DNAJC13: variants seen among roughly 807,000 people sequenced by gnomAD.
DNAJC13 encodes dnaJ homolog subfamily C member 13.
Under a neutral mutation model 290.5 loss-of-function variants are expected in DNAJC13, and 75 were observed. The ratio of observed to expected loss-of-function variants is 0.26; its 90% CI spans 0.21 to 0.31. The LOEUF (loss-of-function observed/expected upper bound fraction) is 0.31, where lower values mean the gene tolerates loss of function less well. DNAJC13 is among the 10% of genes least tolerant of loss of function. The pLI is 1.00. For synonymous variants in DNAJC13, 862 were observed against 892.0 expected (o/e 0.97, Z 0.60); for missense variants, 2,260 against 2,674.5 (o/e 0.85, Z 3.42).
chr3:132,499,971 A>G lies in DNAJC13; in HGVS notation c.4416+163A>G, dbSNP rs965155947. Among the ~76,000 whole-genome samples, 30 of 152,208 alleles carry G rather than the reference A, an allele frequency of 2.0e-4. 1 individual carries two copies. The highest frequency in any genetic ancestry group is 1.5e-5 in the Non-Finnish European group (1 of 68,034). On this transcript the variant is annotated intron_variant, in intron 38 of 55. Transcript: ENST00000260818. ...GAGTCTGGGGTGGTGGCCTGAGAGT[A>G]TGTTTTTATAACAAGTTTCCAAGTG... is the stretch of plus-strand genomic sequence containing the variant.
intron 51 of DNAJC13, 72 bp from the exon 52 acceptor site, chr3:132,525,538 A>G: frequency 8.1e-6 from 12 of 1,489,420 alleles, no homozygotes; most frequent in African/African-American, 1.4e-5. Context: ...TTGAACACCA[A>G]ATACATTACC....
At chr3:132,493,986 G>T (rs1935148129) in intron 33 of DNAJC13, among the ~76,000 whole-genome samples, 158 bp from the exon 34 acceptor site, 1 of 152,096 alleles carries the variant, frequency 6.6e-6, no homozygotes, top group African/African-American at 2.4e-5. Flanking sequence ...CTATACAGCA[G>T]TGCTCAGGTG....
chr3:132,537,117 C>A (rs780165877), intron 55 of DNAJC13: 8 of 456,288 alleles, frequency 1.8e-5, no homozygotes, highest in Non-Finnish European at 3.5e-5. Context: ...TGCACTTCCT[C>A]ACAACTTCCC....
chr3:132,537,116 T>C (rs1309084274), intron 55 of DNAJC13: 1 of 456,272 alleles, frequency 2.2e-6, no homozygotes, highest in East Asian at 6.9e-5. Context: ...TTGCACTTCC[T>C]CACAACTTCC....
At chr3:132,488,668 T>C (rs2107705177) in intron 30 of DNAJC13, among the ~76,000 whole-genome samples, 1 of 152,256 alleles carries the variant, frequency 6.6e-6, no homozygotes, top group South Asian at 2.1e-4. Flanking sequence ...ATGTATTATC[T>C]AGTATTTAAG....
At chr3:132,454,300 CCCT>C in intron 9 of DNAJC13, 143 bp downstream of exon 9, 3 of 615,982 alleles carry the variant, frequency 4.9e-6, no homozygotes, top group Non-Finnish European at 8.3e-6. Context: ...TTTAAAATGA[CCCT>C]CCCATTTTCA....
Position 132,501,017 on chromosome 3 carries a change from G to A in DNAJC13, c.4536+104G>A, listed in dbSNP as rs867477019. 4.1e-5 allele frequency: 56 copies of A among 1,369,842 alleles called. No individual in the cohort carries two copies. The South Asian group carries it at 6.9e-4, about 17-fold the overall frequency. The allele number at this position is 1,369,842 out of a possible 1,614,324, so 84.9% of individuals were successfully genotyped here. ...GCACATTGTTTTCCCAAAGTTATTT[G>A]TAAGTAAAATTATTTGGATTTCTAA... On this transcript the variant is annotated intron_variant, in intron 39 of 55. Coordinates refer to ENST00000260818, the MANE Select transcript of DNAJC13 (RefSeq NM_015268.4).
Position 132,474,932 on chromosome 3 carries a change from G to A in DNAJC13, c.2292G>A (p.Arg764=). The part of the protein sequence containing the change: ...IEANWDLFYY[R]FGQDHARSNL... Reference sequence around the variant, plus strand: ...ATTTCCTCATTATATGTATGTCTAGGTTTGGTCAAGACCATGCCAGGTCAA... The same window carrying A: ...ATTTCCTCATTATATGTATGTCTAGATTTGGTCAAGACCATGCCAGGTCAA... Residue 764 remains arginine, a splice_region_variant and synonymous_variant, in exon 22 of 56, where the codon AGG becomes AGA. Coordinates refer to ENST00000260818, the MANE Select transcript of DNAJC13 (RefSeq NM_015268.4). 5.2e-6 allele frequency: 8 copies of A among 1,536,072 alleles called. No homozygotes were observed. The highest frequency in any genetic ancestry group is 7.0e-6 in the Non-Finnish European group (8 of 1,136,204).
intron 55 of DNAJC13, chr3:132,537,138 T>C (rs1936616840): frequency 2.2e-6 from 1 of 456,312 alleles, no homozygotes; most frequent in Non-Finnish European, 4.4e-6. Flanking sequence ...TTGCTGCTTA[T>C]ATTTCTTTTT....
chr3:132,443,809 G>A (rs753972291), intron 2 of DNAJC13, among the ~76,000 whole-genome samples: 2 of 152,072 alleles, frequency 1.3e-5, no homozygotes, highest in Admixed American at 6.6e-5. Flanking sequence ...AGATAGCTCC[G>A]TGTTTACTAG....
intron 30 of DNAJC13, among the ~76,000 whole-genome samples, chr3:132,488,689 A>C (rs555039257): frequency 2.6e-5 from 4 of 152,120 alleles, no homozygotes; most frequent in Non-Finnish European, 5.9e-5. Flanking sequence ...TATGTATTTA[A>C]TATAACTATA....
At chr3:132,446,356 C>T (rs1933242698) in intron 2 of DNAJC13, 119 bp from the exon 3 acceptor site, 1 of 629,984 alleles carries the variant, frequency 1.6e-6, no homozygotes, top group Middle Eastern at 4.3e-4. Flanking sequence ...TATATTTAGT[C>T]ACCATTAATC....
Position 132,456,841 on chromosome 3 carries a change from TC to T in DNAJC13, c.1349+10del. 1.2e-6 allele frequency: 2 copies of T among 1,609,820 alleles called. No homozygotes were observed. Among genetic ancestry groups the T allele is most frequent in the Middle Eastern group, 3.3e-4 (2 of 6,030 alleles). ...TTCACTCAGCTTCCAAAGTAAGTTGTCTTCTGAAACTTAACTTCTCTTAGAG... is the reference window on the plus strand; with the variant it reads ...TTCACTCAGCTTCCAAAGTAAGTTGTTTCTGAAACTTAACTTCTCTTAGAG... On this transcript the variant is annotated intron_variant, in intron 12 of 55. Coordinates refer to ENST00000260818, the MANE Select transcript of DNAJC13 (RefSeq NM_015268.4).
intron 48 of DNAJC13, 43 bp downstream of exon 48, chr3:132,516,859 G>A (rs1935936726): frequency 4.1e-6 from 6 of 1,459,934 alleles, no homozygotes; most frequent in Non-Finnish European, 3.8e-6. Context: ...AATTATTAAA[G>A]CATTGTTACT....
At chr3:132,452,770 A>C (rs748029023) in intron 6 of DNAJC13, among the ~76,000 whole-genome samples, 6 of 152,228 alleles carry the variant, frequency 3.9e-5, no homozygotes, top group Non-Finnish European at 7.3e-5. Context: ...AAGCATTTCA[A>C]ATAACAGATA....
At chr3:132,495,209 C>T (rs751529898) in intron 35 of DNAJC13, 43 bp downstream of exon 35, 2 of 1,491,674 alleles carry the variant, frequency 1.3e-6, no homozygotes, top group South Asian at 2.3e-5. Context: ...CTTCCTCTTG[C>T]TCTATTATTA....
intron 5 of DNAJC13, 144 bp from the exon 6 acceptor site, chr3:132,450,503 G>GT (rs1933386145): frequency 1.7e-6 from 1 of 574,706 alleles, no homozygotes; most frequent in Middle Eastern, 4.8e-4. Flanking sequence ...ATTAATCATA[G>GT]TTTTAACAAT....
At chr3:132,443,537 A>T (rs1038608386) in intron 2 of DNAJC13, among the ~76,000 whole-genome samples, 1 of 152,190 alleles carries the variant, frequency 6.6e-6, no homozygotes, top group East Asian at 1.9e-4. Flanking sequence ...TAAATCTGTT[A>T]TCTAAGGGGG....
intron 38 of DNAJC13, among the ~76,000 whole-genome samples, chr3:132,500,173 A>G (rs1454896948): frequency 6.6e-6 from 1 of 152,210 alleles, no homozygotes; most frequent in East Asian, 1.9e-4. Context: ...TCCTATCTCT[A>G]GTATTTTAAT....
Sources: gnomAD v4.1 joint callset for allele counts (sites outside exome capture counted in the v4.1 genomes callset) on GRCh38, gnomAD v4.1.1 for gene constraint, MANE v1.5 for transcripts, NCBI Gene and HGNC (gene_info 2026-07-23, HGNC 2026-07-21) for gene names.